C19orf38: variants seen among roughly 807,000 people sequenced by gnomAD.
C19orf38 encodes the protein protein HIDE1.
A neutral mutation model predicts 26.6 loss-of-function variants in C19orf38; 14 were observed. The observed-to-expected ratio is 0.53, with a 90% CI of 0.35 to 0.82. C19orf38 has a LOEUF of 0.82. C19orf38 is among the 40% of genes least tolerant of loss of function. The pLI, the probability that C19orf38 is intolerant of heterozygous loss-of-function variation, is 0.01. For missense variants in C19orf38, 261 were observed against 299.5 expected (o/e 0.87, Z 0.95); for synonymous variants, 132 against 128.5 (o/e 1.03, Z -0.18).
chr19:10,852,365 A>G (rs1424853759), intron 2 of C19orf38, among the ~76,000 whole-genome samples: 1 of 152,154 alleles, frequency 6.6e-6, no homozygotes, highest in Non-Finnish European at 1.5e-5. Context: ...ATGAGGACAG[A>G]TGATAAACAT....
At chr19:10,869,175 C>T in intron 6 of C19orf38, 43 bp from the exon 7 acceptor site, 2 of 1,550,226 alleles carry the variant, frequency 1.3e-6, no homozygotes, top group Non-Finnish European at 1.7e-6. Flanking sequence ...GATCCTGAAA[C>T]CCCAAATCAC....
chr19:10,850,888 A>G (rs2073565918), intron 2 of C19orf38, among the ~76,000 whole-genome samples: 1 of 152,018 alleles, frequency 6.6e-6, no homozygotes, highest in African/African-American at 2.4e-5. Flanking sequence ...CTTGGTGCCA[A>G]AATTGGTGCT....
At chr19:10,837,568 G>A (rs755561767) in intron 1 of C19orf38, among the ~76,000 whole-genome samples, 7 of 136,888 alleles carry the variant, frequency 5.1e-5, no homozygotes, top group Non-Finnish European at 7.6e-5. Flanking sequence ...GTGCAGTGGC[G>A]CGATCTCGAC....
rs532310714 is a variant in C19orf38 at position 10,856,649 on chromosome 19, G to A, written c.433+292G>A. On this transcript the variant is annotated intron_variant, in intron 3 of 6. Transcript: ENST00000397820. Reference sequence around the variant, plus strand: ...CTCTCAAGTAGCTGGGATTACAGGCGTGCACCACCATGCCTCGCCAATATT... The same window carrying A: ...CTCTCAAGTAGCTGGGATTACAGGCATGCACCACCATGCCTCGCCAATATT... Among the ~76,000 whole-genome samples, 10 of 151,876 alleles carry A rather than the reference G, an allele frequency of 6.6e-5. No individual in the cohort carries two copies. In the South Asian group the frequency reaches 1.5e-3, roughly 22 times the overall value.
At chr19:10,869,194 G>T (rs900490201) in intron 6 of C19orf38, 24 bp from the exon 7 acceptor site, 1 of 1,551,558 alleles carries the variant, frequency 6.4e-7, no homozygotes, top group Non-Finnish European at 8.7e-7. Context: ...ACCCACTTCT[G>T]TGTTTCTTCT....
At chr19:10,849,101 C>A (rs1418356150) in intron 1 of C19orf38, among the ~76,000 whole-genome samples, 1 of 151,976 alleles carries the variant, frequency 6.6e-6, no homozygotes, top group Non-Finnish European at 1.5e-5. Flanking sequence ...CTCCCTCTCA[C>A]TCACCCCCTC....
At chr19:10,867,814 G>A (rs995262811) in intron 6 of C19orf38, among the ~76,000 whole-genome samples, 4 of 150,978 alleles carry the variant, frequency 2.6e-5, no homozygotes, top group South Asian at 2.1e-4. Context: ...CACCATGCCC[G>A]GCTAATTTTT....
At position 10,869,261 on chromosome 19, in the gene C19orf38, C is replaced by T. The variant is rs1383924380; in HGVS notation, c.587C>T (p.Ser196Leu). The T allele has an allele frequency of 1.3e-6, 2 of 1,551,694 alleles. No homozygotes were observed. The highest frequency in any genetic ancestry group is 1.7e-6 in the Non-Finnish European group (2 of 1,146,980). ...GACCCGGCCACCTTGGATGATCACT[C>T]AGGCACCACTGCCACCCCCAGCAAC... ...EEDPATLDDH[S>L]GTTATPSNSR... Residue 196 changes from serine to leucine, a missense_variant, in exon 7 of 7, where the codon TCA (serine) becomes TTA (leucine). Ser to Leu is a moderately radical substitution (Grantham distance 145). Coordinates refer to ENST00000397820, the MANE Select transcript of C19orf38 (RefSeq NM_001136482.3).
chr19:10,856,327 C>A lies in C19orf38; in HGVS notation c.403C>A (p.Leu135Met), dbSNP rs1323025155. ...LAGALFLLAG[L>M]VAVALVVRKV... ...TGGTGCCCTCTTCCTCCTTGCTGGG[C>A]TGGTGGCTGTTGCCCTGGTGGTCAG... is the stretch of plus-strand genomic sequence containing the variant. The change falls in exon 3 of 7, where the codon CTG becomes ATG. Residue 135 changes from leucine (L) to methionine (M), a missense_variant. Physicochemically the swap from Leu to Met is conservative, Grantham distance 15. Coordinates refer to ENST00000397820, the MANE Select transcript of C19orf38 (RefSeq NM_001136482.3). The A allele has an allele frequency of 1.3e-6, 2 of 1,551,268 alleles. No homozygotes were observed.
intron 6 of C19orf38, among the ~76,000 whole-genome samples, chr19:10,864,420 T>C (rs775102074): frequency 1.3e-5 from 2 of 152,098 alleles, no homozygotes; most frequent in African/African-American, 4.8e-5. Context: ...TGGGGATGAT[T>C]GATCCAGGCT....
At chr19:10,867,143 G>C (rs143282504) in intron 6 of C19orf38, among the ~76,000 whole-genome samples, 67 of 151,576 alleles carry the variant, frequency 4.4e-4, no homozygotes, top group Middle Eastern at 6.8e-3. Flanking sequence ...ACTCCCCGTT[G>C]TCCCTCCCCC....
rs1340939912 is a variant in C19orf38 at position 10,859,421 on chromosome 19, C to T, written c.462-494C>T. 1.2e-4 allele frequency among the ~76,000 whole-genome samples: 17 copies of T among 136,580 alleles called. No individual in the cohort carries two copies. The South Asian group carries it at 2.9e-3, about 23-fold the overall frequency. 89.6% of individuals were successfully genotyped at this position (136,580 alleles called of 152,430 possible). On this transcript the variant is annotated intron_variant, in intron 4 of 6. Coordinates refer to ENST00000397820, the MANE Select transcript of C19orf38 (RefSeq NM_001136482.3). ...TTTTTTAGACGGAGTCTCACTCTGTCGCCCAGGCTGGAGTACAGTGGCGCA... is the reference window on the plus strand; with the variant it reads ...TTTTTTAGACGGAGTCTCACTCTGTTGCCCAGGCTGGAGTACAGTGGCGCA...
At chr19:10,868,981 A>G (rs2073777662) in intron 6 of C19orf38, among the ~76,000 whole-genome samples, 1 of 152,122 alleles carries the variant, frequency 6.6e-6, no homozygotes, top group Non-Finnish European at 1.5e-5. Flanking sequence ...AAGCCACACA[A>G]CTGAGGTTAC....
In C19orf38 at chr19:10,841,851, C is replaced by G. The variant is rs142755578; in HGVS notation, c.-69+5081C>G. The G allele has an allele frequency of 9.0e-4, 1,314 of 1,457,258 alleles. 13 individuals are homozygous for G. In the African/African-American group the frequency reaches 0.016, roughly 18 times the overall value. 90.3% of individuals were successfully genotyped at this position (1,457,258 alleles called of 1,614,324 possible). A position where few individuals can be genotyped will look rare whatever the true frequency, so the allele number is the denominator to read the frequency against. ...AAATTAGCTGGGCATGGGAACAATC[C>G]CATTTCCTGAGGGAATGGGAGGATC... is the stretch of plus-strand genomic sequence containing the variant. On this transcript the variant is annotated intron_variant, in intron 1 of 7. Coordinates refer to the C19orf38 transcript ENST00000592854.
rs1033353525 is a variant in C19orf38, at chr19:10,841,968, A to T, written c.-69+5198A>T. 5 of 1,609,974 alleles carry T rather than the reference A, an allele frequency of 3.1e-6. No homozygotes were observed. In the African/African-American group the frequency reaches 5.3e-5, roughly 17 times the overall value. ...TGGGAAGCCAAGTGCCATCTTCAAA[A>T]TTTCAGGTCTTAAATCTGGAGAAGG... is the stretch of plus-strand genomic sequence containing the variant. On this transcript the variant is annotated intron_variant, in intron 1 of 7. Coordinates refer to the C19orf38 transcript ENST00000592854.
chr19:10,865,272 G>A (rs1046200157), intron 6 of C19orf38, among the ~76,000 whole-genome samples: 4 of 152,036 alleles, frequency 2.6e-5, no homozygotes, highest in South Asian at 2.1e-4. Flanking sequence ...TCAGCTTCCC[G>A]AGTAGCTGGG....
At chr19:10,864,556 G>C (rs1428442263) in intron 6 of C19orf38, among the ~76,000 whole-genome samples, 2 of 152,170 alleles carry the variant, frequency 1.3e-5, no homozygotes, top group East Asian at 1.9e-4. Context: ...GTATAGGAGG[G>C]AGGGGACCGG....
intron 1 of C19orf38, among the ~76,000 whole-genome samples, chr19:10,841,184 A>C (rs959842062): frequency 6.6e-5 from 10 of 152,014 alleles, no homozygotes; most frequent in Admixed American, 3.3e-4. Flanking sequence ...AAACAAAAAA[A>C]CTTCTCTAGC....
chr19:10,856,415 A>G, intron 3 of C19orf38, 58 bp downstream of exon 3: 1 of 1,403,080 alleles, frequency 7.1e-7, no homozygotes, highest in Non-Finnish European at 9.9e-7. Flanking sequence ...TGGAACGTGA[A>G]GATGTGCTTA....
Sources: gnomAD v4.1 joint callset for allele counts (sites outside exome capture counted in the v4.1 genomes callset) on GRCh38, gnomAD v4.1.1 for gene constraint, MANE v1.5 for transcripts, NCBI Gene and HGNC (gene_info 2026-07-23, HGNC 2026-07-21) for gene names.